Variants in IL1RAPL1 observed in about 807,000 individuals in gnomAD.
The protein encoded by IL1RAPL1 is interleukin-1 receptor accessory protein-like 1.
Under a neutral mutation model 48.4 loss-of-function variants are expected in IL1RAPL1, and 3 were observed. The ratio of observed to expected loss-of-function variants is 0.06; its 90% confidence interval spans 0.03 to 0.16. IL1RAPL1 has a LOEUF of 0.16. IL1RAPL1 is among the 10% of genes least tolerant of loss of function. IL1RAPL1 has a pLI of 1.00. For synonymous variants in IL1RAPL1, 185 were observed against 187.7 expected, an observed-to-expected ratio of 0.99 and a Z score of 0.12; for missense variants, 349 against 530.6, an observed-to-expected ratio of 0.66 and a Z score of 3.36.
rs918154994 is a variant in IL1RAPL1, at chrX:29,668,566, C to G, written c.778+62C>G. The G allele has an allele frequency of 1.6e-5, 13 of 823,566 alleles. No homozygotes were observed. The East Asian group carries it at 3.9e-4, about 25-fold the overall frequency. The allele number at this position is 823,566 out of a possible 1,213,427, so 67.9% of individuals were successfully genotyped here. A position where few individuals can be genotyped will look rare whatever the true frequency, so the allele number is the denominator to read the frequency against. Reference sequence around the variant, plus strand: ...TCGTTACATTGTGACAGTTAATAAGCCTAGATTGTAACCCGATGTAATACT... The same window carrying G: ...TCGTTACATTGTGACAGTTAATAAGGCTAGATTGTAACCCGATGTAATACT... On this transcript the variant is annotated intron_variant, in intron 6 of 10. Transcript: ENST00000378993.
At chrX:28,850,818 T>G (rs1921639831) in intron 2 of IL1RAPL1, among the ~76,000 whole-genome samples, 1 of 108,126 alleles carries the variant, frequency 9.2e-6, no homozygotes, top group South Asian at 4.1e-4. Flanking sequence ...AGTCCTAAAC[T>G]TATATACCCC....
chrX:29,898,736 G>A (rs1317152873), intron 6 of IL1RAPL1, among the ~76,000 whole-genome samples: 1 of 112,056 alleles, frequency 8.9e-6, no homozygotes, highest in Non-Finnish European at 1.9e-5. Flanking sequence ...AATATATAAA[G>A]TGGTCATTTT....
chrX:28,801,246 C>T (rs1369007827), intron 2 of IL1RAPL1, among the ~76,000 whole-genome samples: 2 of 110,894 alleles, frequency 1.8e-5, no homozygotes, highest in Non-Finnish European at 3.8e-5. Flanking sequence ...TTAGGTAAAA[C>T]GAGTATAAAA....
intron 1 of IL1RAPL1, among the ~76,000 whole-genome samples, chrX:28,740,695 G>T (rs991912709): frequency 3.6e-5 from 4 of 110,766 alleles, no homozygotes; most frequent in Admixed American, 2.9e-4. Context: ...CCCTCTCTTT[G>T]TGTCCATGTG....
intron 6 of IL1RAPL1, among the ~76,000 whole-genome samples, chrX:29,718,529 T>A (rs1313805883): frequency 2.0e-5 from 2 of 102,053 alleles, no homozygotes; most frequent in African/African-American, 7.4e-5. Context: ...TGGGTGCAGC[T>A]AACCACCAGG....
chrX:29,816,121 C>A (rs1369889498), intron 6 of IL1RAPL1, among the ~76,000 whole-genome samples: 1 of 110,616 alleles, frequency 9.0e-6, no homozygotes, highest in African/African-American at 3.3e-5. Flanking sequence ...TACAAAAGAT[C>A]AACAAAATGA....
intron 5 of IL1RAPL1, among the ~76,000 whole-genome samples, chrX:29,636,086 A>C (rs911848136): frequency 8.9e-6 from 1 of 111,915 alleles, no homozygotes; most frequent in East Asian, 2.8e-4. Flanking sequence ...GCAAAAAAAA[A>C]CCATAAACAT....
chrX:29,188,441 T>G (rs142375477), intron 2 of IL1RAPL1, among the ~76,000 whole-genome samples: 1 of 111,492 alleles, frequency 9.0e-6, no homozygotes, highest in Non-Finnish European at 1.9e-5. Context: ...ATGCCGAATT[T>G]ATTGAAGTGA....
At chrX:28,822,548 T>G (rs1220775503) in intron 2 of IL1RAPL1, among the ~76,000 whole-genome samples, 1 of 112,078 alleles carries the variant, frequency 8.9e-6, no homozygotes, top group Non-Finnish European at 1.9e-5. Flanking sequence ...GCTGTCATCC[T>G]TAAATTGTTC....
Position 29,954,687 on chromosome X carries a change from C to G in IL1RAPL1, c.1367C>G (p.Thr456Ser). 8.5e-7 allele frequency: 1 copy of G among 1,181,890 alleles called. No homozygotes were observed. Among genetic ancestry groups the G allele is most frequent in the South Asian group, 1.8e-5 (1 of 56,272 alleles). ...LFIPDRDLIP[T>S]GTYIEDVARC... ...ATACCAGATAGAGATTTAATCCCAACTGGAAGTAAGTTAATGTTTTCATTT... is the reference window on the plus strand; with the variant it reads ...ATACCAGATAGAGATTTAATCCCAAGTGGAAGTAAGTTAATGTTTTCATTT... The change falls in exon 10 of 11, where the codon ACT becomes AGT. Residue 456 changes from threonine to serine, a missense_variant. By Grantham distance (58) the Thr-to-Ser change is moderately conservative (BLOSUM62 1). Transcript: ENST00000378993.
intron 2 of IL1RAPL1, among the ~76,000 whole-genome samples, chrX:28,789,720 A>T (rs1334123061): frequency 8.9e-6 from 1 of 112,006 alleles, no homozygotes; most frequent in Non-Finnish European, 1.9e-5. Flanking sequence ...TCTTATATAA[A>T]CAGTGTTATT....
chrX:29,077,946 G>T (rs1227148658), intron 2 of IL1RAPL1, among the ~76,000 whole-genome samples: 1 of 111,650 alleles, frequency 9.0e-6, no homozygotes, highest in Non-Finnish European at 1.9e-5. Context: ...TGATAAAGAA[G>T]AAAAGCCACG....
chrX:28,609,940 T>C (rs1302815084), intron 1 of IL1RAPL1, among the ~76,000 whole-genome samples: 2 of 111,764 alleles, frequency 1.8e-5, no homozygotes, highest in African/African-American at 6.5e-5. Flanking sequence ...AGATGCTATT[T>C]ATTTAGCTCT....
In IL1RAPL1 at chrX:28,793,277, A is replaced by G. The variant is rs181732506; in HGVS notation, c.82+3852A>G. Among the ~76,000 whole-genome samples the G allele has an allele frequency of 1.3e-3, 145 of 109,813 alleles. 1 individual carries two copies. The highest frequency in any genetic ancestry group is 4.7e-3 in the African/African-American group (142 of 30,221). On this transcript the variant is annotated intron_variant, in intron 2 of 10. Coordinates refer to ENST00000378993, the MANE Select transcript of IL1RAPL1 (RefSeq NM_014271.4). ...ATGTAAAGCAAACGCTTGCTTGGAG[A>G]ATCTTTGTATCTCAACCAGTTGAGG... is the stretch of plus-strand genomic sequence containing the variant.
intron 8 of IL1RAPL1, among the ~76,000 whole-genome samples, chrX:29,931,155 G>T (rs1417242659): frequency 9.1e-6 from 1 of 110,226 alleles, no homozygotes; most frequent in African/African-American, 3.3e-5. Flanking sequence ...TTCATAGATT[G>T]TTAATGGGGA....
intron 2 of IL1RAPL1, among the ~76,000 whole-genome samples, chrX:28,835,862 G>A (rs113366360): frequency 0.068 from 7,554 of 110,391 alleles, 670 homozygotes; most frequent in African/African-American, 0.24. Flanking sequence ...ACACTGTAAT[G>A]CCTCCCTATT....
At chrX:29,254,816 C>T (rs983218971) in intron 2 of IL1RAPL1, among the ~76,000 whole-genome samples, 2 of 111,802 alleles carry the variant, frequency 1.8e-5, no homozygotes, top group African/African-American at 3.2e-5. Flanking sequence ...TCAAATACCA[C>T]GTCTGAGGAG....
intron 5 of IL1RAPL1, among the ~76,000 whole-genome samples, chrX:29,647,759 G>T (rs1347376205): frequency 9.0e-6 from 1 of 111,601 alleles, no homozygotes. Context: ...TTACAAAACA[G>T]CTCGAAAACA....
chrX:29,524,757 A>G (rs780212433), intron 5 of IL1RAPL1, among the ~76,000 whole-genome samples: 1 of 112,461 alleles, frequency 8.9e-6, no homozygotes, highest in Admixed American at 9.4e-5. Flanking sequence ...CTGATTTATT[A>G]TATTTGAACA....
Sources: gnomAD v4.1 joint callset for allele counts (sites outside exome capture counted in the v4.1 genomes callset) on GRCh38, gnomAD v4.1.1 for gene constraint, MANE v1.5 for transcripts, NCBI Gene and HGNC (gene_info 2026-07-23, HGNC 2026-07-21) for gene names.